Variants in OGDHL observed in about 807,000 individuals in gnomAD.
The protein encoded by OGDHL is 2-oxoglutarate dehydrogenase-like, mitochondrial.
Under a neutral mutation model 109.6 loss-of-function variants are expected in OGDHL, and 79 were observed. The ratio of observed to expected loss-of-function variants is 0.72; its 90% CI spans 0.60 to 0.87. The LOEUF is 0.87. Ranked by LOEUF, OGDHL falls within the 40% of genes least tolerant of loss-of-function variation. The probability of loss-of-function intolerance (pLI) is 0.00; values close to 1 mark genes in which losing one functional copy is unlikely to be tolerated. For synonymous variants in OGDHL, 528 were observed against 537.2 expected, an observed-to-expected ratio of 0.98 and a Z score of 0.24; for missense variants, 1,275 against 1,362.2, an observed-to-expected ratio of 0.94 and a Z score of 1.01.
At position 49,736,453 on chromosome 10, in the gene OGDHL, C is replaced by G. The variant is rs1351071764; in HGVS notation, c.2658G>C (p.Arg886=). 16 of 1,614,058 alleles carry G rather than the reference C, an allele frequency of 9.9e-6. No homozygotes were observed. Among genetic ancestry groups the G allele is most frequent in the Middle Eastern group, 3.3e-4 (2 of 6,062 alleles). The change falls in exon 21 of 23, where the codon CGG becomes CGC. Residue 886 remains arginine, a synonymous_variant. Coordinates refer to ENST00000374103, the MANE Select transcript of OGDHL (RefSeq NM_018245.3). ...AAARAPEQVQ[R]LIFCTGKVYY... is the part of the protein sequence containing the mutation. ...ACACCTTTCCCGTGCAGAAGATGAGCCGCTGCACCTGCTCAGGGGCCCGTG... is the reference window on the plus strand; with the variant it reads ...ACACCTTTCCCGTGCAGAAGATGAGGCGCTGCACCTGCTCAGGGGCCCGTG...
intron 14 of OGDHL, among the ~76,000 whole-genome samples, chr10:49,743,417 A>G (rs1024851724): frequency 1.3e-5 from 2 of 151,750 alleles, no homozygotes; most frequent in Non-Finnish European, 2.9e-5. Context: ...CTGTAAGGGA[A>G]CCCCCTCAGA....
intron 16 of OGDHL, 35 bp from the exon 17 acceptor site, chr10:49,739,874 A>C: frequency 6.3e-7 from 1 of 1,587,094 alleles, no homozygotes; most frequent in Non-Finnish European, 8.6e-7. Flanking sequence ...TGCTGCACAC[A>C]GTCACCAAGT....
intron 3 of OGDHL, among the ~76,000 whole-genome samples, chr10:49,755,171 G>A (rs937971128): frequency 6.6e-6 from 1 of 152,190 alleles, no homozygotes; most frequent in Non-Finnish European, 1.5e-5. Flanking sequence ...TTGACCACGT[G>A]GGGCAGAGGT....
In OGDHL at chr10:49,735,335, G is replaced by A; in HGVS notation, c.2926C>T (p.Pro976Ser). Residue 976 changes from proline to serine, a missense_variant, in exon 23 of 23, where the codon CCA becomes TCA. Physicochemically the swap from Pro to Ser is moderately conservative, Grantham distance 74. Coordinates refer to ENST00000374103, the MANE Select transcript of OGDHL (RefSeq NM_018245.3). ...ARPIWYVGRD[P>S]AAAPATGNRN... ...TTTCCTGTGGCTGGTGCAGCCGCTG[G>A]GTCCCGGCCAACATACCTGGAGGAG... 1 of 1,613,328 alleles carries A rather than the reference G, an allele frequency of 6.2e-7. No individual in the cohort carries two copies.
chr10:49,758,360 G>C, intron 2 of OGDHL, 29 bp downstream of exon 2: 1 of 1,583,490 alleles, frequency 6.3e-7, no homozygotes, highest in Non-Finnish European at 8.6e-7. Context: ...CTCCCTTGCG[G>C]TGGCCCAGGG....
rs201839085 is a variant in OGDHL at position 49,738,054 on chromosome 10, C to T, written c.2410G>A (p.Glu804Lys). The T allele has an allele frequency of 2.0e-5, 33 of 1,614,148 alleles. No homozygotes were observed. The highest frequency in any genetic ancestry group is 4.5e-5 in the East Asian group (2 of 44,872). ...DAYPAFTKDF[E>K]VSQLYDCNWI... The stretch of plus-strand genomic sequence containing the variant: ...TTGCAGTCATAGAGCTGGCTCACCT[C>T]GAAGTCCTTGGTGAATGCCTGTGGG... Residue 804 changes from glutamate to lysine, a missense_variant, in exon 19 of 23, where the codon GAG becomes AAG. Physicochemically the swap from Glu to Lys is moderately conservative, Grantham distance 56. Transcript: ENST00000374103.
chr10:49,752,250 TG>T lies in OGDHL; in HGVS notation c.479-3del, dbSNP rs1042539294. 1.1e-5 allele frequency: 17 copies of T among 1,612,610 alleles called. No individual in the cohort carries two copies. Among genetic ancestry groups the T allele is most frequent in the Non-Finnish European group, 1.4e-5 (17 of 1,178,978 alleles). On this transcript the variant is annotated splice_polypyrimidine_tract_variant and splice_region_variant and intron_variant, in intron 4 of 22. Transcript: ENST00000374103. ...CAGCCTCCTGAAGGTCATAGAAGGCTGGAGAAGGAGGCGTGGCCGAGCCCCG... is the reference window on the plus strand; with the variant it reads ...CAGCCTCCTGAAGGTCATAGAAGGCTGAGAAGGAGGCGTGGCCGAGCCCCG...
chr10:49,758,451 C>T lies in OGDHL; in HGVS notation c.142G>A (p.Gly48Ser), dbSNP rs1400275801. 5 of 1,613,904 alleles carry T rather than the reference C, an allele frequency of 3.1e-6. No individual in the cohort carries two copies. The highest frequency in any genetic ancestry group is 2.7e-5 in the African/African-American group (2 of 75,054). Residue 48 changes from glycine to serine, a missense_variant, in exon 2 of 23, where the codon GGC becomes AGC. Physicochemically the swap from Gly to Ser is moderately conservative, Grantham distance 56. Transcript: ENST00000374103. Reference protein sequence around the residue: ...ATFPSSKGGGGSSYMEEMYFA... With the variant: ...ATFPSSKGGGSSSYMEEMYFA... Reference sequence around the variant, plus strand: ...TACATCTCCTCCATGTAACTGGAGCCGCCTCCACCTTTGCTGCTTGGGAAG... The same window carrying T: ...TACATCTCCTCCATGTAACTGGAGCTGCCTCCACCTTTGCTGCTTGGGAAG...
chr10:49,752,528 C>T (rs191170439), intron 4 of OGDHL, 110 bp downstream of exon 4: 3 of 938,118 alleles, frequency 3.2e-6, no homozygotes, highest in East Asian at 2.4e-5. Flanking sequence ...CTGTGGGCTG[C>T]TCCCCGAGCT....
chr10:49,752,734 C>T lies in OGDHL; in HGVS notation c.382G>A (p.Gly128Ser). Residue 128 changes from glycine to serine, a missense_variant, in exon 4 of 23, where the codon GGT becomes AGT. By Grantham distance (56) the Gly-to-Ser change is moderately conservative (BLOSUM62 0). Coordinates refer to ENST00000374103, the MANE Select transcript of OGDHL (RefSeq NM_018245.3). Reference sequence around the variant, plus strand: ...GGGTCCAGCTGGGCCACATGGTGACCCCGGATCTGGGAGGAGGGAAAAGAG... The same window carrying T: ...GGGTCCAGCTGGGCCACATGGTGACTCCGGATCTGGGAGGAGGGAAAAGAG... ...QSLIRAYQIR[G>S]HHVAQLDPLG... 1 of 1,613,692 alleles carries T rather than the reference C, an allele frequency of 6.2e-7. No homozygotes were observed. Among genetic ancestry groups the T allele is most frequent in the Non-Finnish European group, 8.5e-7 (1 of 1,179,664 alleles).
In OGDHL at chr10:49,749,813, TC is replaced by T; in HGVS notation, c.899del (p.Gly300GlufsTer3). ...TCACGTTGGCCAGCACGTTCAGCCT[TC>T]CCCTGGAGCCAGAGGGGCCGGGCTC... ...ENVILGMPHR[G>X]RLNVLANVIR... On this transcript the variant is annotated frameshift_variant and splice_region_variant, in exon 8 of 23. Coordinates refer to ENST00000374103, the MANE Select transcript of OGDHL (RefSeq NM_018245.3). LOFTEE classifies it high-confidence loss of function. 1 of 1,591,744 alleles carries T rather than the reference TC, an allele frequency of 6.3e-7. No individual in the cohort carries two copies.
intron 14 of OGDHL, among the ~76,000 whole-genome samples, chr10:49,743,235 A>G (rs1421320828): frequency 6.6e-6 from 1 of 152,214 alleles, no homozygotes; most frequent in Non-Finnish European, 1.5e-5. Context: ...TCAGGCTCAG[A>G]GTCATTTACT....
At position 49,742,810 on chromosome 10, in the gene OGDHL, G is replaced by A. The variant is rs575924692; in HGVS notation, c.2012+18C>T. The A allele has an allele frequency of 1.1e-5, 18 of 1,607,606 alleles. 1 individual carries two copies. In the South Asian group the frequency reaches 1.8e-4, roughly 16 times the overall value. On this transcript the variant is annotated intron_variant, in intron 15 of 22. Transcript: ENST00000374103. ...GCTCCAGGTCTCCTGTGCGGATGCT[G>A]AGCCCCACTGCGCTCACCTGAATGT...
At chr10:49,749,645 G>T in intron 8 of OGDHL, 81 bp downstream of exon 8, 1 of 1,211,808 alleles carries the variant, frequency 8.3e-7, no homozygotes, top group Non-Finnish European at 1.2e-6. Flanking sequence ...CAGCCCGGAA[G>T]CTCCCGGCTC....
chr10:49,752,791 C>A (rs1351254629), intron 3 of OGDHL, 51 bp from the exon 4 acceptor site: 1 of 1,339,190 alleles, frequency 7.5e-7, no homozygotes, highest in Non-Finnish European at 1.1e-6. Flanking sequence ...CTGGACAGAC[C>A]TCCTCCAGGG....
intron 20 of OGDHL, among the ~76,000 whole-genome samples, 159 bp from the exon 21 acceptor site, chr10:49,736,679 C>A (rs968231383): frequency 5.9e-5 from 9 of 152,154 alleles, no homozygotes; most frequent in African/African-American, 2.2e-4. Context: ...AAAGATGGAG[C>A]AGGGGGCAGA....
At chr10:49,748,940 G>A (rs1417464352) in intron 8 of OGDHL, among the ~76,000 whole-genome samples, 1 of 152,104 alleles carries the variant, frequency 6.6e-6, no homozygotes, top group African/African-American at 2.4e-5. Context: ...GGAAGCGGTG[G>A]CTCCATGCCT....
chr10:49,756,545 G>A (rs1842925394), intron 3 of OGDHL: 1 of 443,070 alleles, frequency 2.3e-6, no homozygotes, highest in South Asian at 5.4e-5. Context: ...GCAAGGAACA[G>A]ACCACAAGGA....
chr10:49,746,906 G>A (rs1842229598), intron 9 of OGDHL, 28 bp from the exon 10 acceptor site: 1 of 1,613,696 alleles, frequency 6.2e-7, no homozygotes, highest in Admixed American at 1.7e-5. Context: ...GCCAGGAGGG[G>A]CTGCGTGCCC....
Sources: gnomAD v4.1 joint callset for allele counts (sites outside exome capture counted in the v4.1 genomes callset) on GRCh38, gnomAD v4.1.1 for gene constraint, MANE v1.5 for transcripts, NCBI Gene and HGNC (gene_info 2026-07-23, HGNC 2026-07-21) for gene names.